SUPT3H: variants seen among roughly 807,000 people sequenced by gnomAD.
SUPT3H encodes the protein transcription initiation protein SPT3 homolog.
In SUPT3H, 44 loss-of-function variants were observed where a neutral mutation model predicts 44.3. The observed-to-expected ratio is 0.99, with a 90% confidence interval of 0.78 to 1.28. The LOEUF (loss-of-function observed/expected upper bound fraction) is 1.28. Ranked by LOEUF, SUPT3H falls within the 50% of genes most tolerant of loss-of-function variation. SUPT3H has a pLI of 0.00. For missense variants in SUPT3H, 380 were observed against 387.1 expected (o/e 0.98, Z 0.15); for synonymous variants, 124 against 125.6 (o/e 0.99, Z 0.09).
At chr6:44,947,615 C>T (rs58736723) in intron 9 of SUPT3H, among the ~76,000 whole-genome samples, 11 of 151,786 alleles carry the variant, frequency 7.2e-5, no homozygotes, top group Non-Finnish European at 1.0e-4. Flanking sequence ...CATAGAAATG[C>T]GAAGAACACA....
intron 9 of SUPT3H, among the ~76,000 whole-genome samples, chr6:44,933,991 A>C (rs1356964820): frequency 1.3e-5 from 2 of 152,210 alleles, no homozygotes; most frequent in Non-Finnish European, 2.9e-5. Flanking sequence ...ATGGAAGCTC[A>C]TTTACTTCAA....
At chr6:45,370,050 T>C (rs1419696000) in intron 1 of SUPT3H, among the ~76,000 whole-genome samples, 1 of 152,134 alleles carries the variant, frequency 6.6e-6, no homozygotes, top group Non-Finnish European at 1.5e-5. Flanking sequence ...TATTAGAGAA[T>C]TTTGAAAAGG....
intron 2 of SUPT3H, among the ~76,000 whole-genome samples, chr6:45,257,364 T>C (rs946870165): frequency 1.6e-4 from 25 of 152,202 alleles, no homozygotes; most frequent in Non-Finnish European, 2.9e-5. Flanking sequence ...AATTTTACTA[T>C]ACTCCAGCAG....
intron 2 of SUPT3H, among the ~76,000 whole-genome samples, chr6:45,158,271 T>C (rs1437434863): frequency 2.8e-5 from 2 of 70,248 alleles, no homozygotes; most frequent in South Asian, 1.1e-3. Context: ...TATATATAAA[T>C]ATACATATAT....
intron 2 of SUPT3H, among the ~76,000 whole-genome samples, chr6:45,348,594 G>T (rs1019344935): frequency 1.3e-4 from 20 of 148,580 alleles, no homozygotes; most frequent in Non-Finnish European, 2.8e-4. Context: ...AGAATCACTT[G>T]AATCCGGGAG....
chr6:45,282,158 G>C (rs996127637), intron 2 of SUPT3H, among the ~76,000 whole-genome samples: 2 of 152,104 alleles, frequency 1.3e-5, no homozygotes, highest in African/African-American at 4.8e-5. Flanking sequence ...CAGAAAAACT[G>C]GAAATTCTAA....
intron 11 of SUPT3H, among the ~76,000 whole-genome samples, chr6:44,810,142 T>TAA (rs1283063078): frequency 6.6e-6 from 1 of 151,568 alleles, no homozygotes; most frequent in Non-Finnish European, 1.5e-5. Flanking sequence ...TCATGAGAAA[T>TAA]AAAAAAAATA....
intron 2 of SUPT3H, among the ~76,000 whole-genome samples, chr6:45,270,920 G>A (rs2153661794): frequency 6.6e-6 from 1 of 152,322 alleles, no homozygotes; most frequent in South Asian, 2.1e-4. Flanking sequence ...GGAACTTTAT[G>A]GGAACTGAAG....
At chr6:45,285,044 C>A (rs1230308498) in intron 2 of SUPT3H, among the ~76,000 whole-genome samples, 2 of 151,792 alleles carry the variant, frequency 1.3e-5, no homozygotes, top group Admixed American at 1.3e-4. Flanking sequence ...ATTCAACAGC[C>A]CTTCATGCTA....
chr6:45,189,825 T>G (rs895467365), intron 2 of SUPT3H, among the ~76,000 whole-genome samples: 7 of 152,330 alleles, frequency 4.6e-5, no homozygotes, highest in Admixed American at 4.6e-4. Context: ...CCCACGTTCC[T>G]TGATGTCCCA....
intron 10 of SUPT3H, among the ~76,000 whole-genome samples, chr6:44,904,827 G>C (rs1261643753): frequency 6.6e-6 from 1 of 152,138 alleles, no homozygotes; most frequent in Non-Finnish European, 1.5e-5. Context: ...CAGAGATATA[G>C]ACCAATAGAA....
intron 2 of SUPT3H, among the ~76,000 whole-genome samples, chr6:45,115,020 T>C (rs1019899534): frequency 8.5e-5 from 13 of 152,188 alleles, no homozygotes; most frequent in African/African-American, 3.1e-4. Context: ...TTTACTATCT[T>C]AGATTGACTG....
chr6:45,043,142 TACACACACACACACAC>T (rs59321114), intron 3 of SUPT3H, among the ~76,000 whole-genome samples: 5 of 146,768 alleles, frequency 3.4e-5, no homozygotes, highest in Non-Finnish European at 7.5e-5. Flanking sequence ...CATACACACA[TACACACACACACACAC>T]ACACACACAC....
rs146117477 is a variant in SUPT3H at position 45,001,681 on chromosome 6, T to C, written c.504+1972A>G. ...TGTTGGTAGGTCTATACCATTTTCATACATGCTAGGGGAGAAGGTAGTAAA... is the reference window on the plus strand; with the variant it reads ...TGTTGGTAGGTCTATACCATTTTCACACATGCTAGGGGAGAAGGTAGTAAA... On this transcript the variant is annotated intron_variant, in intron 6 of 10. Transcript: ENST00000371459. Among the ~76,000 whole-genome samples the C allele has an allele frequency of 5.9e-5, 9 of 152,178 alleles. No homozygotes were observed. The East Asian group carries it at 1.7e-3, about 29-fold the overall frequency.
intron 10 of SUPT3H, among the ~76,000 whole-genome samples, chr6:44,889,851 G>GCAA (rs1228829926): frequency 6.6e-6 from 1 of 152,024 alleles, no homozygotes; most frequent in African/African-American, 2.4e-5. Flanking sequence ...GAAAATTTTC[G>GCAA]CAACCTACTT....
chr6:44,966,040 A>G (rs1414607011), intron 6 of SUPT3H, among the ~76,000 whole-genome samples: 1 of 152,180 alleles, frequency 6.6e-6, no homozygotes, highest in African/African-American at 2.4e-5. Context: ...TACAAATCCC[A>G]GGGAGACAAG....
chr6:44,949,157 G>A (rs900579215), intron 9 of SUPT3H, among the ~76,000 whole-genome samples: 5 of 152,012 alleles, frequency 3.3e-5, no homozygotes, highest in Admixed American at 6.6e-5. Context: ...ACCAAACACC[G>A]CATGTTCTCA....
intron 4 of SUPT3H, among the ~76,000 whole-genome samples, chr6:45,019,646 T>G (rs1048318955): frequency 1.3e-5 from 2 of 152,018 alleles, no homozygotes; most frequent in Non-Finnish European, 2.9e-5. Context: ...CACAGTTCTT[T>G]AGATGCACAT....
chr6:45,166,317 G>T (rs1257558365), intron 2 of SUPT3H, among the ~76,000 whole-genome samples: 1 of 151,706 alleles, frequency 6.6e-6, no homozygotes, highest in East Asian at 1.9e-4. Context: ...GGCCAGGTGC[G>T]ATGGCTCACA....
Sources: allele counts gnomAD v4.1 joint callset (sites outside exome capture counted in the v4.1 genomes callset), GRCh38; gene constraint gnomAD v4.1.1; transcripts MANE v1.5; gene names NCBI Gene and HGNC (gene_info 2026-07-23, HGNC 2026-07-21).